The following AAGAB variants were observed in gnomAD, a reference collection of about 807,000 sequenced individuals.
AAGAB encodes alpha- and gamma-adaptin-binding protein p34.
A neutral mutation model predicts 44.1 loss-of-function variants in AAGAB; 38 were observed. That is an observed-to-expected ratio of 0.86 (90% CI 0.67 to 1.13). The LOEUF (loss-of-function observed/expected upper bound fraction) is 1.13, where lower values mean the gene tolerates loss of function less well. Among genes scored for constraint, AAGAB ranks in the 50% most tolerant of loss-of-function variants. AAGAB has a pLI of 0.00. For synonymous variants in AAGAB, 131 were observed against 131.8 expected, an observed-to-expected ratio of 0.99 and a Z score of 0.04; for missense variants, 450 against 373.8, an observed-to-expected ratio of 1.20 and a Z score of -1.68.
At position 67,254,635 on chromosome 15, in the gene AAGAB, T is replaced by C. The variant is rs374270407; in HGVS notation, c.-4A>G. On this transcript the variant is annotated 5_prime_UTR_variant, in exon 1 of 10. Transcript: ENST00000261880. The stretch of plus-strand genomic sequence containing the variant: ...CACAGGGTACGCCAGCAGCCATAGC[T>C]GCGCTCGCGAGCCGGTTCCGTCAGG... 3 of 1,590,602 alleles carry C rather than the reference T, an allele frequency of 1.9e-6. No homozygotes were observed. The South Asian group carries it at 3.4e-5, about 18-fold the overall frequency.
chr15:67,245,711 TACTTAGA>T (rs1442302126), intron 1 of AAGAB, among the ~76,000 whole-genome samples: 8 of 152,342 alleles, frequency 5.3e-5, no homozygotes, highest in African/African-American at 1.9e-4. Flanking sequence ...ATATTTTAGG[TACTTAGA>T]ACAATGGATG....
At chr15:67,209,606 TATG>T (rs1374924598) in intron 5 of AAGAB, 62 bp from the exon 6 acceptor site, 35 of 1,290,046 alleles carry the variant, frequency 2.7e-5, no homozygotes, top group Non-Finnish European at 3.5e-5. Flanking sequence ...TTCAAATGGC[TATG>T]ATGATGAAAC....
At chr15:67,240,826 T>G (rs1964578173) in intron 1 of AAGAB, among the ~76,000 whole-genome samples, 1 of 152,236 alleles carries the variant, frequency 6.6e-6, no homozygotes, top group South Asian at 2.1e-4. Flanking sequence ...CATCTTCCTC[T>G]TTTTAATCAG....
intron 4 of AAGAB, among the ~76,000 whole-genome samples, chr15:67,232,249 C>CAA (rs34877999): frequency 0.29 from 26,010 of 88,278 alleles, 3,182 homozygotes; most frequent in East Asian, 0.52. Context: ...AACTCCATCT[C>CAA]AAAAAAAAAA....
At position 67,254,425 on chromosome 15, in the gene AAGAB, G is replaced by C. The variant is rs373843556; in HGVS notation, c.73+134C>G. Reference sequence around the variant, plus strand: ...ATAGGGGCAGCCACCTGGGGAGACTGGGCGCCTCCACTGACTGGAGGAAGA... The same window carrying C: ...ATAGGGGCAGCCACCTGGGGAGACTCGGCGCCTCCACTGACTGGAGGAAGA... On this transcript the variant is annotated intron_variant, in intron 1 of 9. Transcript: ENST00000261880. 16 of 1,443,058 alleles carry C rather than the reference G, an allele frequency of 1.1e-5. No homozygotes were observed. The South Asian group carries it at 2.1e-4, about 19-fold the overall frequency. The allele number at this position is 1,443,058 out of a possible 1,614,324, so 89.4% of individuals were successfully genotyped here.
chr15:67,206,501 G>T (rs2140343346), intron 7 of AAGAB, among the ~76,000 whole-genome samples: 1 of 152,252 alleles, frequency 6.6e-6, no homozygotes, highest in East Asian at 1.9e-4. Context: ...TGTGCCTAAT[G>T]ATGGCTTTCT....
intron 5 of AAGAB, among the ~76,000 whole-genome samples, chr15:67,224,190 A>C (rs1964147188): frequency 6.6e-6 from 1 of 152,216 alleles, no homozygotes; most frequent in African/African-American, 2.4e-5. Flanking sequence ...ATATATCCCA[A>C]ACACACAGAC....
At chr15:67,219,167 GC>G (rs935695666) in intron 5 of AAGAB, among the ~76,000 whole-genome samples, 3 of 152,058 alleles carry the variant, frequency 2.0e-5, no homozygotes, top group African/African-American at 7.2e-5. Flanking sequence ...CAGTACAGCC[GC>G]CCCACCAGGA....
chr15:67,222,233 C>CGCGCGCGCGT lies in AAGAB; in HGVS notation c.535+9580_535+9581insACGCGCGCGC, dbSNP rs1491009097. 1.6e-4 allele frequency among the ~76,000 whole-genome samples: 10 copies of CGCGCGCGCGT among 63,516 alleles called. No homozygotes were observed. The East Asian group carries it at 3.0e-3, about 19-fold the overall frequency. 41.7% of individuals were successfully genotyped at this position (63,516 alleles called of 152,430 possible). A position where few individuals can be genotyped will look rare whatever the true frequency, so the allele number is the denominator to read the frequency against. Reference sequence around the variant, plus strand: ...ATTACTACATGCATGCACGCGCACGCGCGCGCGCGCACACACACACACACA... The same window carrying CGCGCGCGCGT: ...ATTACTACATGCATGCACGCGCACGCGCGCGCGCGTGCGCGCGCGCACACACACACACACA... On this transcript the variant is annotated intron_variant, in intron 5 of 9. Transcript: ENST00000261880.
chr15:67,246,595 G>A (rs1964728655), intron 1 of AAGAB, among the ~76,000 whole-genome samples: 1 of 152,124 alleles, frequency 6.6e-6, no homozygotes, highest in African/African-American at 2.4e-5. Flanking sequence ...GACTTCCTGG[G>A]TCGAGTGGGG....
At chr15:67,254,416 G>A (rs1965012115) in intron 1 of AAGAB, 143 bp downstream of exon 1, 1 of 1,439,692 alleles carries the variant, frequency 6.9e-7, no homozygotes, top group Non-Finnish European at 9.1e-7. Flanking sequence ...GCAGCCACCT[G>A]GGGAGACTGG....
chr15:67,224,611 C>T (rs1279886515), intron 5 of AAGAB, among the ~76,000 whole-genome samples: 2 of 144,748 alleles, frequency 1.4e-5, no homozygotes, highest in African/African-American at 2.6e-5. Flanking sequence ...TGAGCAGTCT[C>T]ACTCTGTTGC....
intron 1 of AAGAB, among the ~76,000 whole-genome samples, chr15:67,238,602 A>T (rs1477153471): frequency 6.6e-6 from 1 of 152,228 alleles, no homozygotes; most frequent in Non-Finnish European, 1.5e-5. Flanking sequence ...ATAAATACAC[A>T]TATAAAAGAA....
Position 67,229,432 on chromosome 15 carries a change from T to TA in AAGAB, c.535+2381dup, listed in dbSNP as rs756230077. Among the ~76,000 whole-genome samples the TA allele has an allele frequency of 4.7e-3, 466 of 99,538 alleles. 2 individuals are homozygous for TA. The highest frequency in any genetic ancestry group is 7.2e-3 in the African/African-American group (189 of 26,344). 65.3% of individuals were successfully genotyped at this position (99,538 alleles called of 152,430 possible). ...TGGGCAACAGAGCGAGAGTCCGTCT[T>TA]AAAAAAAAAAAAAAAAGAGTTGGAG... is the stretch of plus-strand genomic sequence containing the variant. On this transcript the variant is annotated intron_variant, in intron 5 of 9. Transcript: ENST00000261880.
chr15:67,224,348 A>G (rs1013708830), intron 5 of AAGAB, among the ~76,000 whole-genome samples: 13 of 152,246 alleles, frequency 8.5e-5, no homozygotes, highest in Admixed American at 7.2e-4. Context: ...CACCTAAATT[A>G]TGCTCCCAGA....
At chr15:67,240,588 T>C (rs1303411096) in intron 1 of AAGAB, among the ~76,000 whole-genome samples, 2 of 152,256 alleles carry the variant, frequency 1.3e-5, no homozygotes, top group Admixed American at 6.5e-5. Context: ...CCAGTTCTAG[T>C]AGCAAACATA....
rs1567012509 is a variant in AAGAB at position 67,202,866 on chromosome 15, T to TC, written c.902dup (p.Asp302ArgfsTer4). The stretch of plus-strand genomic sequence containing the variant: ...AAAGGCCTTCAATTTCATCTCTGTC[T>TC]CCCCCGATTGCCATCCAGAATGCTT... On this transcript the variant is annotated frameshift_variant, in exon 10 of 10. Transcript: ENST00000261880. LOFTEE classifies it high-confidence loss of function. 1 of 1,614,026 alleles carries TC rather than the reference T, an allele frequency of 6.2e-7. No individual in the cohort carries two copies. Among genetic ancestry groups the TC allele is most frequent in the East Asian group, 2.2e-5 (1 of 44,882 alleles).
chr15:67,243,359 T>C (rs1018611025), intron 1 of AAGAB, among the ~76,000 whole-genome samples: 3 of 152,204 alleles, frequency 2.0e-5, no homozygotes, highest in Admixed American at 6.5e-5. Flanking sequence ...TCACATCTGA[T>C]GGACAATTCC....
upstream of AAGAB, chr15:67,255,159 C>A: frequency 1.7e-6 from 1 of 599,144 alleles, no homozygotes; most frequent in Non-Finnish European, 3.0e-6. Flanking sequence ...GCCCCAGAAG[C>A]AGGACTTTCT....
Sources: allele counts gnomAD v4.1 joint callset (sites outside exome capture counted in the v4.1 genomes callset), GRCh38; gene constraint gnomAD v4.1.1; transcripts MANE v1.5; gene names NCBI Gene and HGNC (gene_info 2026-07-23, HGNC 2026-07-21).